Variants in TENM2 observed in about 807,000 individuals in gnomAD.
The protein encoded by TENM2 is teneurin transmembrane protein 2.
A neutral mutation model predicts 245.2 loss-of-function variants in TENM2; 52 were observed. That is an observed-to-expected ratio of 0.21 (90% CI 0.17 to 0.27). The LOEUF (loss-of-function observed/expected upper bound fraction) is 0.27. Among genes scored for constraint, TENM2 ranks in the 10% least tolerant of loss-of-function variants. TENM2 has a pLI of 1.00. For missense variants in TENM2, 3,046 were observed against 3,666.8 expected, an observed-to-expected ratio of 0.83 and a Z score of 4.37; for synonymous variants, 1,363 against 1,438.9, an observed-to-expected ratio of 0.95 and a Z score of 1.19.
At chr5:167,873,697 G>T (rs1773174497) in intron 2 of TENM2, among the ~76,000 whole-genome samples, 2 of 152,138 alleles carry the variant, frequency 1.3e-5, no homozygotes, top group Non-Finnish European at 2.9e-5. Context: ...ATTTTTGTTA[G>T]AAGGAGACCT....
intron 3 of TENM2, among the ~76,000 whole-genome samples, chr5:167,932,048 C>T (rs1318938146): frequency 1.3e-5 from 2 of 152,134 alleles, no homozygotes; most frequent in African/African-American, 2.4e-5. Context: ...CTGATTTCAC[C>T]GAGGTCCGTA....
chr5:168,029,560 C>G (rs781346390), intron 5 of TENM2, among the ~76,000 whole-genome samples: 1 of 152,156 alleles, frequency 6.6e-6, no homozygotes, highest in Non-Finnish European at 1.5e-5. Context: ...TTTGGGCAGC[C>G]CTGTGCCTGA....
chr5:167,930,027 G>T (rs1431020093), intron 3 of TENM2, among the ~76,000 whole-genome samples: 1 of 152,192 alleles, frequency 6.6e-6, no homozygotes, highest in Non-Finnish European at 1.5e-5. Context: ...CATTACAGAT[G>T]TCTGGTACAA....
chr5:167,836,442 C>T (rs1287886197), intron 2 of TENM2, among the ~76,000 whole-genome samples: 1 of 152,184 alleles, frequency 6.6e-6, no homozygotes, highest in Non-Finnish European at 1.5e-5. Flanking sequence ...GTGGCAGCCT[C>T]TGTGACAAAT....
chr5:167,186,215 A>G, the TENM2 span, among the ~76,000 whole-genome samples: 1 of 152,158 alleles, frequency 6.6e-6, no homozygotes, highest in Non-Finnish European at 1.5e-5. Context: ...GTTTAACAAT[A>G]CTCACTAAAA....
At chr5:168,263,485 G>T (rs1250142083), downstream of TENM2, 1 of 150,084 alleles carries the variant, frequency 6.7e-6, no homozygotes, top group Non-Finnish European at 1.5e-5. Context: ...ACTTTTTAAA[G>T]AAAAAAAAAC....
At chr5:167,212,468 G>C in the TENM2 span, among the ~76,000 whole-genome samples, 7 of 152,100 alleles carry the variant, frequency 4.6e-5, no homozygotes, top group Admixed American at 3.3e-4. Context: ...GAAGAGATGG[G>C]GGTTATTGTG....
intron 25 of TENM2, chr5:168,241,224 C>T (rs1010667677): frequency 3.4e-4 from 52 of 151,998 alleles, no homozygotes; most frequent in African/African-American, 1.2e-3. Flanking sequence ...TTTCCCTCCC[C>T]ATGCTTTGAT....
At chr5:167,067,601 A>G in the TENM2 span, among the ~76,000 whole-genome samples, 1 of 152,188 alleles carries the variant, frequency 6.6e-6, no homozygotes, top group Admixed American at 6.5e-5. Flanking sequence ...AAAACATATA[A>G]GAAAACCAAG....
At chr5:167,338,152 T>A (rs148346131) in intron 1 of TENM2, among the ~76,000 whole-genome samples, 173 of 152,362 alleles carry the variant, frequency 1.1e-3, no homozygotes, top group African/African-American at 4.0e-3. Context: ...CCACTGTGGT[T>A]ATTCAGCGGG....
chr5:167,526,526 T>C (rs949659096), intron 2 of TENM2, among the ~76,000 whole-genome samples: 1 of 152,098 alleles, frequency 6.6e-6, no homozygotes, highest in Non-Finnish European at 1.5e-5. Flanking sequence ...ATAACAACTG[T>C]GGATTGACTT....
In TENM2 at chr5:168,093,882, CTG is replaced by C. The variant is rs552286625; in HGVS notation, c.1711+3116_1711+3117del. Among the ~76,000 whole-genome samples, 21 of 152,170 alleles carry C rather than the reference CTG, an allele frequency of 1.4e-4. No homozygotes were observed. The East Asian group carries it at 3.9e-3, about 28-fold the overall frequency. Reference sequence around the variant, plus strand: ...CACGTCATTGTTTTTCCCTCAGAAACTGTGAAAATACTTTAAATATGAGTTGT... The same window carrying C: ...CACGTCATTGTTTTTCCCTCAGAAACTGAAAATACTTTAAATATGAGTTGT... On this transcript the variant is annotated intron_variant, in intron 8 of 28. Transcript: ENST00000518659.
intron 1 of TENM2, among the ~76,000 whole-genome samples, chr5:167,374,684 C>T (rs1248811902): frequency 6.6e-6 from 1 of 152,006 alleles, no homozygotes; most frequent in Non-Finnish European, 1.5e-5. Context: ...TTAATCTGAT[C>T]CCTGCGGAGG....
intron 25 of TENM2, among the ~76,000 whole-genome samples, chr5:168,239,115 G>C (rs1371356033): frequency 1.3e-5 from 2 of 151,928 alleles, no homozygotes; most frequent in East Asian, 1.9e-4. Context: ...CTCTAAACTG[G>C]GGGGGCAGGT....
chr5:167,781,797 G>T (rs1176214907), intron 2 of TENM2, among the ~76,000 whole-genome samples: 1 of 151,946 alleles, frequency 6.6e-6, no homozygotes, highest in Non-Finnish European at 1.5e-5. Flanking sequence ...AGGCCAGATG[G>T]CTTGAGTCCA....
chr5:167,101,494 A>G, the TENM2 span, among the ~76,000 whole-genome samples: 1 of 152,126 alleles, frequency 6.6e-6, no homozygotes, highest in African/African-American at 2.4e-5. Context: ...GCTCCTGTGC[A>G]GTGTGACTGT....
intron 2 of TENM2, among the ~76,000 whole-genome samples, chr5:167,674,450 A>T (rs1483896767): frequency 6.6e-6 from 1 of 152,160 alleles, no homozygotes; most frequent in Non-Finnish European, 1.5e-5. Context: ...TGCCTCTAAC[A>T]AATTCACATT....
At chr5:168,136,831 C>T (rs148783632) in intron 12 of TENM2, among the ~76,000 whole-genome samples, 15 of 152,308 alleles carry the variant, frequency 9.8e-5, no homozygotes, top group Non-Finnish European at 1.8e-4. Context: ...TTTAGATAAG[C>T]GGCTCTTAAA....
intron 2 of TENM2, among the ~76,000 whole-genome samples, chr5:167,738,634 C>T (rs1337916599): frequency 6.6e-6 from 1 of 152,154 alleles, no homozygotes; most frequent in Admixed American, 6.5e-5. Flanking sequence ...CTGAGTGGCT[C>T]AGACAACAGA....
Sources: allele counts gnomAD v4.1 joint callset (sites outside exome capture counted in the v4.1 genomes callset), GRCh38; gene constraint gnomAD v4.1.1; transcripts MANE v1.5; gene names NCBI Gene and HGNC (gene_info 2026-07-23, HGNC 2026-07-21).